TSBP1: variants seen among roughly 807,000 people sequenced by gnomAD.
TSBP1 encodes the protein testis expressed basic protein 1.
Under a neutral mutation model 68.8 loss-of-function variants are expected in TSBP1, and 56 were observed. The ratio of observed to expected loss-of-function variants is 0.81; its 90% CI spans 0.66 to 1.02. TSBP1 has a LOEUF of 1.02. Ranked by LOEUF, TSBP1 falls within the 50% of genes least tolerant of loss-of-function variation. The pLI, the probability that TSBP1 is intolerant of heterozygous loss-of-function variation, is 0.00. For missense variants in TSBP1, 502 were observed against 641.2 expected, an observed-to-expected ratio of 0.78 and a Z score of 2.34; for synonymous variants, 171 against 208.7, an observed-to-expected ratio of 0.82 and a Z score of 1.56.
chr6:32,332,590 C>T (rs1044016164), intron 14 of TSBP1, among the ~76,000 whole-genome samples: 1 of 150,258 alleles, frequency 6.7e-6, no homozygotes, highest in African/African-American at 2.4e-5. Context: ...GTCAACAAAA[C>T]CTTCTGTTTT....
At position 32,316,289 on chromosome 6, in the gene TSBP1, G is replaced by T; in HGVS notation, c.560-497C>A. Reference sequence around the variant, plus strand: ...TTCTCTGTAATATAGACCATGTAGGGTAATAAGGAAGCAAGGGAATAATGG... The same window carrying T: ...TTCTCTGTAATATAGACCATGTAGGTTAATAAGGAAGCAAGGGAATAATGG... On this transcript the variant is annotated intron_variant, in intron 18 of 22. Transcript: ENST00000612031. The surrounding 1 kb of genome is among the most constrained non-coding windows in gnomAD (Gnocchi z 4.5). 3.5e-6 allele frequency: 3 copies of T among 856,818 alleles called. No homozygotes were observed. Among genetic ancestry groups the T allele is most frequent in the Non-Finnish European group, 5.6e-6 (3 of 537,792 alleles). The allele number at this position is 856,818 out of a possible 1,614,324, so 53.1% of individuals were successfully genotyped here. A position where few individuals can be genotyped will look rare whatever the true frequency, so the allele number is the denominator to read the frequency against.
Position 32,367,052 on chromosome 6 carries a change from C to CGTGTGTGTGTGTGTGTGT in TSBP1, c.167-768_167-751dup, listed in dbSNP as rs3038518. On this transcript the variant is annotated intron_variant, in intron 4 of 22. Coordinates refer to ENST00000612031, the Ensembl canonical transcript of TSBP1. ...CTCTCAGGGATCTATATGCTTGTAG[C>CGTGTGTGTGTGTGTGTGT]GTGTGTGTGTGTGTGTGTGTGTGTG... Among the ~76,000 whole-genome samples, 202 of 148,448 alleles carry CGTGTGTGTGTGTGTGTGT rather than the reference C, an allele frequency of 1.4e-3. No individual in the cohort carries two copies. The Middle Eastern group carries it at 0.014, about 10-fold the overall frequency.
At chr6:32,326,255 C>G (rs1259557155) in intron 16 of TSBP1, 1 of 892,702 alleles carries the variant, frequency 1.1e-6, no homozygotes. Flanking sequence ...GATTTGTGAA[C>G]TCAGCCAAGC....
At chr6:32,339,033 G>A (rs773017014) in intron 10 of TSBP1, 34 bp from the exon 12 acceptor site, 11 of 1,588,722 alleles carry the variant, frequency 6.9e-6, no homozygotes, top group South Asian at 1.1e-5. Flanking sequence ...AGTTTGAAGA[G>A]AGCATGACTC....
chr6:32,317,516 T>C (rs1562093020), intron 18 of TSBP1, among the ~76,000 whole-genome samples: 1 of 152,146 alleles, frequency 6.6e-6, no homozygotes, highest in South Asian at 2.1e-4. Flanking sequence ...ACAGAGTAAA[T>C]AGGCAACCTA....
chr6:32,344,864 G>GGA (rs1770801613), intron 9 of TSBP1, among the ~76,000 whole-genome samples: 4 of 151,228 alleles, frequency 2.6e-5, no homozygotes, highest in African/African-American at 4.9e-5. Flanking sequence ...TTTTTTTTGG[G>GGA]GCTGGGGTGG....
chr6:32,309,939 T>C (rs917749665), intron 19 of TSBP1, among the ~76,000 whole-genome samples: 11 of 152,212 alleles, frequency 7.2e-5, no homozygotes, highest in Admixed American at 7.2e-4. Flanking sequence ...CATTCTACTC[T>C]CTATCTCCAT....
At chr6:32,334,600 T>C (rs574318388) in intron 14 of TSBP1, among the ~76,000 whole-genome samples, 9 of 152,276 alleles carry the variant, frequency 5.9e-5, no homozygotes, top group Non-Finnish European at 1.2e-4. Flanking sequence ...GTTGTTTAGA[T>C]GCAACAAAGT....
At chr6:32,295,927 C>T (rs1334885632) in intron 22 of TSBP1, among the ~76,000 whole-genome samples, 1 of 150,898 alleles carries the variant, frequency 6.6e-6, no homozygotes, top group African/African-American at 2.4e-5. Context: ...TCACCGCAAC[C>T]TTTGCCTCCC....
rs28367008 is a variant in TSBP1, at chr6:32,315,437, C to T, written c.580+335G>A. ...ATTAGCTGGGCATGGTGGCTTGCACCTGTATTGCTAGCCACTTGGGAGGCT... is the reference window on the plus strand; with the variant it reads ...ATTAGCTGGGCATGGTGGCTTGCACTTGTATTGCTAGCCACTTGGGAGGCT... On this transcript the variant is annotated intron_variant, in intron 19 of 22. Coordinates refer to ENST00000612031, the Ensembl canonical transcript of TSBP1. The surrounding 1 kb of genome is among the most constrained non-coding windows in gnomAD (Gnocchi z 5.4). 0.21 allele frequency among the ~76,000 whole-genome samples: 31,994 copies of T among 152,036 alleles called. 3,558 individuals carry two copies. Among genetic ancestry groups the T allele is most frequent in the East Asian group, 0.22 (1,146 of 5,160 alleles).
chr6:32,319,677 C>T (rs542371260), intron 18 of TSBP1, among the ~76,000 whole-genome samples: 3 of 152,150 alleles, frequency 2.0e-5, no homozygotes, highest in African/African-American at 4.8e-5. Context: ...ACTCCCCCTT[C>T]TATACCATCT....
chr6:32,334,324 A>G (rs886380289), intron 14 of TSBP1, among the ~76,000 whole-genome samples: 2 of 150,542 alleles, frequency 1.3e-5, no homozygotes, highest in Non-Finnish European at 3.0e-5. Flanking sequence ...ATCTGTTATT[A>G]TTTGTGTTAC....
At position 32,302,232 on chromosome 6, in the gene TSBP1, C is replaced by T. The variant is rs11759612; in HGVS notation, c.601+377G>A. On this transcript the variant is annotated intron_variant, in intron 20 of 22. Coordinates refer to ENST00000612031, the Ensembl canonical transcript of TSBP1. The surrounding 1 kb of genome is among the most constrained non-coding windows in gnomAD (Gnocchi z 5.1). ...CTTTAGGAGGCTAAGGCAAGGGGAT[C>T]GTTTGAGGCCAGGACTTTGAGACCA... Among the ~76,000 whole-genome samples, 10,952 of 151,932 alleles carry T rather than the reference C, an allele frequency of 0.072. 514 individuals carry two copies. The highest frequency in any genetic ancestry group is 0.19 in the East Asian group (969 of 5,162).
rs554207298 is a variant in TSBP1, at chr6:32,338,277, G to A, written c.409+702C>T. ...ATTTAGTAGGTCGGGGTGGGCAATA[G>A]GCTGAGACTCTGCATATCTAAAACT... is the stretch of plus-strand genomic sequence containing the variant. On this transcript the variant is annotated intron_variant, in intron 11 of 22. Coordinates refer to ENST00000612031, the Ensembl canonical transcript of TSBP1. The surrounding 1 kb of genome is among the most constrained non-coding windows in gnomAD (Gnocchi z 5.5). Among the ~76,000 whole-genome samples, 9 of 152,276 alleles carry A rather than the reference G, an allele frequency of 5.9e-5. No homozygotes were observed. Among genetic ancestry groups the A allele is most frequent in the African/African-American group, 2.2e-4 (9 of 41,542 alleles).
rs1009246766 is a variant in TSBP1 at position 32,336,875 on chromosome 6, A to G, written c.410-240T>C. The stretch of plus-strand genomic sequence containing the variant: ...TAAATATAAATAATTAAAATAAACT[A>G]CAGTTTTAAACATGAATTATTTGGC... On this transcript the variant is annotated intron_variant, in intron 11 of 22. Coordinates refer to ENST00000612031, the Ensembl canonical transcript of TSBP1. The surrounding 1 kb of genome is among the most constrained non-coding windows in gnomAD (Gnocchi z 5.2). Among the ~76,000 whole-genome samples the G allele has an allele frequency of 3.2e-4, 48 of 152,210 alleles. No individual in the cohort carries two copies. Among genetic ancestry groups the G allele is most frequent in the African/African-American group, 1.2e-3 (48 of 41,460 alleles).
intron 8 of TSBP1, chr6:32,350,232 T>G (rs1203344739): frequency 8.7e-6 from 4 of 458,078 alleles, no homozygotes; most frequent in Non-Finnish European, 1.7e-5. Flanking sequence ...GTTTCCACTT[T>G]CCAAAATTCA....
At chr6:32,294,080 C>T (rs988672708) in intron 22 of TSBP1, 45 bp from the exon 26 acceptor site, 8 of 1,589,506 alleles carry the variant, frequency 5.0e-6, no homozygotes, top group African/African-American at 2.7e-5. Context: ...CAAGTATTTT[C>T]TCTTTATTTC....
chr6:32,370,407 G>GTGTGTGTGTGTA lies in TSBP1; in HGVS notation c.14-425_14-424insTACACACACACA, dbSNP rs1241237254. 6.7e-3 allele frequency among the ~76,000 whole-genome samples: 881 copies of GTGTGTGTGTGTA among 130,656 alleles called. 16 individuals are homozygous for GTGTGTGTGTGTA. The highest frequency in any genetic ancestry group is 8.5e-3 in the Admixed American group (108 of 12,762). The allele number at this position is 130,656 out of a possible 152,430, so 85.7% of individuals were successfully genotyped here. ...TACCTTTAAAGTTGCAAGATTTTCT[G>GTGTGTGTGTGTA]TATATATATATATATATATATATAT... On this transcript the variant is annotated intron_variant, in intron 1 of 22. Coordinates refer to ENST00000612031, the Ensembl canonical transcript of TSBP1.
chr6:32,336,705 A>G lies in TSBP1; in HGVS notation c.410-70T>C. 7.0e-7 allele frequency: 1 copy of G among 1,427,434 alleles called. No individual in the cohort carries two copies. The highest frequency in any genetic ancestry group is 9.9e-7 in the Non-Finnish European group (1 of 1,014,204). The allele number at this position is 1,427,434 out of a possible 1,614,324, so 88.4% of individuals were successfully genotyped here. ...TTTTCATTTTACCAGTATTGTTTCT[A>G]AAGAAACTATGAAGCAATTCAACCA... On this transcript the variant is annotated intron_variant, in intron 11 of 22. Coordinates refer to ENST00000612031, the Ensembl canonical transcript of TSBP1. The surrounding 1 kb of genome is among the most constrained non-coding windows in gnomAD (Gnocchi z 5.2).
Sources: allele counts gnomAD v4.1 joint callset (sites outside exome capture counted in the v4.1 genomes callset), GRCh38; gene constraint gnomAD v4.1.1; non-coding constraint Gnocchi (gnomAD v3.1); transcripts MANE v1.5; gene names NCBI Gene and HGNC (gene_info 2026-07-23, HGNC 2026-07-21).